HAS3: variants seen among roughly 807,000 people sequenced by gnomAD.
HAS3 encodes the protein hyaluronan synthase 3, also known as HA synthase 3.
HAS3 carries 27 observed loss-of-function variants against 50.3 expected under a neutral mutation model. The ratio of observed to expected loss-of-function variants is 0.54; its 90% CI spans 0.40 to 0.74. The LOEUF (loss-of-function observed/expected upper bound fraction) is 0.74. Ranked by LOEUF, HAS3 falls within the 30% of genes least tolerant of loss-of-function variation. HAS3 has a pLI of 0.00. For synonymous variants in HAS3, 339 were observed against 310.9 expected, an observed-to-expected ratio of 1.09 and a Z score of -0.95; for missense variants, 517 against 742.8, an observed-to-expected ratio of 0.70 and a Z score of 3.53.
intron 1 of HAS3, among the ~76,000 whole-genome samples, chr16:69,108,586 T>C (rs1960890714): frequency 6.6e-6 from 1 of 152,016 alleles, no homozygotes; most frequent in African/African-American, 2.4e-5. Context: ...ACCAAGCGGA[T>C]GGGATGCCCA....
Position 69,114,934 on chromosome 16 carries a change from C to G in HAS3, c.1330C>G (p.Leu444Val). The part of the protein sequence containing the change: ...AEMIFMSLYS[L>V]LYMSSLLPAK... ...GATGATCTTCATGTCCCTCTACTCCCTCCTCTATATGTCCAGCCTTCTGCC... is the reference window on the plus strand; with the variant it reads ...GATGATCTTCATGTCCCTCTACTCCGTCCTCTATATGTCCAGCCTTCTGCC... Residue 444 changes from leucine to valine, a missense_variant, in exon 4 of 4, where the codon CTC becomes GTC. By Grantham distance (32) the Leu-to-Val change is conservative (BLOSUM62 1). Transcript: ENST00000569188. This position sits in a 1 kb window ranked among gnomAD's most constrained non-coding sequence, Gnocchi z 6.4. The G allele has an allele frequency of 6.2e-7, 1 of 1,614,128 alleles. No individual in the cohort carries two copies. The highest frequency in any genetic ancestry group is 8.5e-7 in the Non-Finnish European group (1 of 1,180,026).
rs1480566570 is a variant in HAS3, at chr16:69,106,186, C to T, written c.-1+399C>T. The T allele has an allele frequency of 2.6e-5, 4 of 152,218 alleles. No individual in the cohort carries two copies. Among genetic ancestry groups the T allele is most frequent in the Admixed American group, 6.6e-5 (1 of 15,264 alleles). 9.4% of individuals were successfully genotyped at this position (152,218 alleles called of 1,614,324 possible). ...AGGCGCCTCTCCTGGCGGGCACGCG[C>T]CGGGTACTTAAGGGCGGCTCGGCTG... On this transcript the variant is annotated intron_variant, in intron 1 of 3. Transcript: ENST00000569188. This position sits in a 1 kb window ranked among gnomAD's most constrained non-coding sequence, Gnocchi z 5.5.
downstream of HAS3, chr16:69,118,696 G>A: frequency 6.1e-6 from 4 of 658,412 alleles, no homozygotes; most frequent in South Asian, 1.7e-5. Context: ...CTCACCTTCA[G>A]TCAAGAAAAA....
At position 69,116,788 on chromosome 16, in the gene HAS3, T is replaced by C. The variant is rs569226729; in HGVS notation, c.*1522T>C. 2.0e-5 allele frequency: 20 copies of C among 985,434 alleles called. No homozygotes were observed. In the East Asian group the frequency reaches 1.7e-3, roughly 84 times the overall value. The allele number at this position is 985,434 out of a possible 1,614,324, so 61.0% of individuals were successfully genotyped here. A position where few individuals can be genotyped will look rare whatever the true frequency, so the allele number is the denominator to read the frequency against. Reference sequence around the variant, plus strand: ...AGCGTTTTGAGTTTAAAACCTGGGATCCTGACTAAGCCTTTGACTTAAGGG... The same window carrying C: ...AGCGTTTTGAGTTTAAAACCTGGGACCCTGACTAAGCCTTTGACTTAAGGG... On this transcript the variant is annotated 3_prime_UTR_variant, in exon 4 of 4. Coordinates refer to ENST00000569188, the MANE Select transcript of HAS3 (RefSeq NM_001199280.2).
chr16:69,111,600 C>G (rs916943761), intron 2 of HAS3, among the ~76,000 whole-genome samples: 3 of 152,160 alleles, frequency 2.0e-5, no homozygotes, highest in African/African-American at 7.2e-5. Flanking sequence ...ACTCAGATTG[C>G]GTGTCTGGCT....
chr16:69,092,771 G>A, the HAS3 span, among the ~76,000 whole-genome samples: 1 of 152,056 alleles, frequency 6.6e-6, no homozygotes, highest in Non-Finnish European at 1.5e-5. Flanking sequence ...TTGGCAGAAG[G>A]ATCATTTGAG....
chr16:69,109,577 T>C lies in HAS3; in HGVS notation c.182T>C (p.Leu61Pro). ...GGCCTGCACCTGCTCATTCAGAGCC[T>C]TTTTGCCTTCCTGGAGCACCGGCGC... ...ILGLHLLIQS[L>P]FAFLEHRRMR... Residue 61 changes from leucine (L) to proline (P), a missense_variant, in exon 2 of 4, where the codon CTT (leucine) becomes CCT (proline). Physicochemically the swap from Leu to Pro is moderately conservative, Grantham distance 98. Transcript: ENST00000569188. The surrounding 1 kb of genome is among the most constrained non-coding windows in gnomAD (Gnocchi z 5.3). 2 of 1,613,364 alleles carry C rather than the reference T, an allele frequency of 1.2e-6. No homozygotes were observed. The highest frequency in any genetic ancestry group is 1.7e-6 in the Non-Finnish European group (2 of 1,180,000).
the HAS3 span, chr16:69,085,050 A>C: frequency 6.6e-6 from 1 of 152,356 alleles, no homozygotes; most frequent in Non-Finnish European, 1.5e-5. Flanking sequence ...CAGCTAGTGT[A>C]GCTGGATTAA....
intron 2 of HAS3, among the ~76,000 whole-genome samples, chr16:69,110,460 G>A (rs534184664): frequency 6.6e-6 from 1 of 152,170 alleles, no homozygotes; most frequent in Non-Finnish European, 1.5e-5. Flanking sequence ...AGGCTGGAGT[G>A]CAACGGCTAT....
In HAS3 at chr16:69,114,355, T is replaced by G. The variant is rs1567581715; in HGVS notation, c.751T>G (p.Tyr251Asp). 6.3e-7 allele frequency: 1 copy of G among 1,599,904 alleles called. No homozygotes were observed. Among genetic ancestry groups the G allele is most frequent in the Non-Finnish European group, 8.5e-7 (1 of 1,177,344 alleles). Residue 251 changes from tyrosine to aspartate, a missense_variant, in exon 4 of 4, where the codon TAC (tyrosine) becomes GAC (aspartate). Transcript: ENST00000569188. The surrounding 1 kb of genome is among the most constrained non-coding windows in gnomAD (Gnocchi z 6.4). Reference protein sequence around the residue: ...VGGDVQILNKYDSWISFLSSV... With the variant: ...VGGDVQILNKDDSWISFLSSV... ...TATTCCCTTGCAGATCCTCAACAAGTACGACTCATGGATTTCCTTCCTGAG... is the reference window on the plus strand; with the variant it reads ...TATTCCCTTGCAGATCCTCAACAAGGACGACTCATGGATTTCCTTCCTGAG...
chr16:69,087,854 CA>C, the HAS3 span, among the ~76,000 whole-genome samples: 4 of 151,578 alleles, frequency 2.6e-5, no homozygotes, highest in East Asian at 7.9e-4. Flanking sequence ...AGGCATCTGC[CA>C]CCACGCCCAA....
chr16:69,104,811 G>A (rs553848454), upstream of HAS3, among the ~76,000 whole-genome samples: 2 of 152,046 alleles, frequency 1.3e-5, no homozygotes, highest in South Asian at 4.2e-4. Context: ...GGGGACTGAG[G>A]TGTGAGGTCT....
At chr16:69,088,140 G>A in the HAS3 span, among the ~76,000 whole-genome samples, 10,774 of 152,144 alleles carry the variant, frequency 0.071, 409 homozygotes, top group African/African-American at 0.081. Context: ...ACGATTTATC[G>A]AGCACCTATT....
the HAS3 span, among the ~76,000 whole-genome samples, chr16:69,087,269 C>T: frequency 6.6e-6 from 1 of 152,228 alleles, no homozygotes; most frequent in Non-Finnish European, 1.5e-5. Context: ...CAGGGGATGG[C>T]TCAGCCACAG....
At position 69,117,349 on chromosome 16, in the gene HAS3, C is replaced by G; in HGVS notation, c.*2083C>G. 2.0e-6 allele frequency: 2 copies of G among 985,744 alleles called. No homozygotes were observed. Among genetic ancestry groups the G allele is most frequent in the Non-Finnish European group, 2.4e-6 (2 of 829,828 alleles). The allele number at this position is 985,744 out of a possible 1,614,324, so 61.1% of individuals were successfully genotyped here. A position where few individuals can be genotyped will look rare whatever the true frequency, so the allele number is the denominator to read the frequency against. The stretch of plus-strand genomic sequence containing the variant: ...CAACTTTCCTCAAATCAAAAACAGG[C>G]AGGTACAGGTAGTGGGCTCACAACG... On this transcript the variant is annotated 3_prime_UTR_variant, in exon 4 of 4. Coordinates refer to ENST00000569188, the MANE Select transcript of HAS3 (RefSeq NM_001199280.2).
the HAS3 span, among the ~76,000 whole-genome samples, chr16:69,099,755 G>A: frequency 6.6e-6 from 1 of 151,712 alleles, no homozygotes; most frequent in South Asian, 2.1e-4. Flanking sequence ...CCTCATGAAC[G>A]TGTTTTTTTA....
chr16:69,093,018 A>T, the HAS3 span, among the ~76,000 whole-genome samples: 1 of 152,164 alleles, frequency 6.6e-6, no homozygotes, highest in Non-Finnish European at 1.5e-5. Flanking sequence ...GATAGTAAAC[A>T]TCTAAGACTG....
chr16:69,090,718 C>T, the HAS3 span, among the ~76,000 whole-genome samples: 1 of 122,920 alleles, frequency 8.1e-6, no homozygotes, highest in African/African-American at 3.2e-5. Flanking sequence ...CAGGGGCGTG[C>T]TACCACGCCT....
chr16:69,116,174 TAA>T lies in HAS3; in HGVS notation c.*909_*910del, dbSNP rs1193703942. 1.0e-6 allele frequency: 1 copy of T among 985,270 alleles called. No homozygotes were observed. The highest frequency in any genetic ancestry group is 1.1e-4 in the East Asian group (1 of 8,830). 61.0% of individuals were successfully genotyped at this position (985,270 alleles called of 1,614,324 possible). A position where few individuals can be genotyped will look rare whatever the true frequency, so the allele number is the denominator to read the frequency against. The stretch of plus-strand genomic sequence containing the variant: ...CTCAAATTCAGCTCTGATCTGAGGC[TAA>T]GACACACTCCCCACTTCACTTTCTT... On this transcript the variant is annotated 3_prime_UTR_variant, in exon 4 of 4. Transcript: ENST00000569188.
Sources: gnomAD v4.1 joint callset for allele counts (sites outside exome capture counted in the v4.1 genomes callset) on GRCh38, gnomAD v4.1.1 for gene constraint, Gnocchi (gnomAD v3.1) non-coding constraint, MANE v1.5 for transcripts, NCBI Gene and HGNC (gene_info 2026-07-23, HGNC 2026-07-21) for gene names.